PUS7: variants seen among roughly 807,000 people sequenced by gnomAD.
PUS7 encodes pseudouridylate synthase 7 homolog.
In PUS7, 48 loss-of-function variants were observed where a neutral mutation model predicts 79.8. The ratio of observed to expected loss-of-function variants is 0.60; its 90% CI spans 0.48 to 0.76. The LOEUF is 0.76. Among genes scored for constraint, PUS7 ranks in the 30% least tolerant of loss-of-function variants. The probability of loss-of-function intolerance (pLI) is 0.00; values close to 1 mark genes in which losing one functional copy is unlikely to be tolerated. For synonymous variants in PUS7, 286 were observed against 272.2 expected (o/e 1.05, Z -0.50); for missense variants, 729 against 797.6 (o/e 0.91, Z 1.04).
intron 7 of PUS7, among the ~76,000 whole-genome samples, chr7:105,490,949 G>T (rs1171129547): frequency 1.3e-5 from 2 of 152,178 alleles, no homozygotes; most frequent in African/African-American, 4.8e-5. Flanking sequence ...GCAACGCACA[G>T]GACAGTCCCT....
intron 2 of PUS7, among the ~76,000 whole-genome samples, chr7:105,507,061 T>C (rs1204699960): frequency 1.3e-5 from 2 of 152,166 alleles, no homozygotes; most frequent in African/African-American, 4.8e-5. Context: ...TATTATTTTT[T>C]TTGAGACAGA....
At chr7:105,492,139 C>T (rs1409213141) in intron 6 of PUS7, among the ~76,000 whole-genome samples, 6 of 151,712 alleles carry the variant, frequency 4.0e-5, no homozygotes. Flanking sequence ...TGGTGGCATG[C>T]ACCTACAGTC....
chr7:105,505,246 G>A (rs558184799), intron 4 of PUS7, among the ~76,000 whole-genome samples: 14 of 152,050 alleles, frequency 9.2e-5, no homozygotes, highest in Admixed American at 5.2e-4. Context: ...CAAGTGATCC[G>A]CCCACCTTGG....
intron 5 of PUS7, among the ~76,000 whole-genome samples, chr7:105,498,673 C>G (rs549929147): frequency 3.3e-5 from 5 of 152,182 alleles, no homozygotes; most frequent in Non-Finnish European, 5.9e-5. Flanking sequence ...ACCATCACAC[C>G]CCTGCACACC....
At chr7:105,474,120 C>G (rs1046426399) in intron 9 of PUS7, among the ~76,000 whole-genome samples, 10 of 152,106 alleles carry the variant, frequency 6.6e-5, no homozygotes, top group African/African-American at 2.4e-4. Context: ...TAGGAATCCC[C>G]TTCTATTAAT....
intron 5 of PUS7, among the ~76,000 whole-genome samples, chr7:105,496,196 CATAT>C (rs1159713098): frequency 0.05 from 4,034 of 81,230 alleles, 97 homozygotes; most frequent in African/African-American, 0.097. Flanking sequence ...CACACACACA[CATAT>C]ATATATATAT....
At chr7:105,509,080 A>G (rs1825598210) in intron 1 of PUS7, among the ~76,000 whole-genome samples, 2 of 146,074 alleles carry the variant, frequency 1.4e-5, no homozygotes, top group African/African-American at 5.0e-5. Context: ...GCTAGTCAGG[A>G]GGCTGAGGCA....
intron 5 of PUS7, among the ~76,000 whole-genome samples, chr7:105,496,301 TG>T (rs569678239): frequency 9.2e-4 from 138 of 149,984 alleles, no homozygotes; most frequent in African/African-American, 3.2e-3. Flanking sequence ...CTGCTCAAAA[TG>T]TTTTTTTTTA....
intron 4 of PUS7, among the ~76,000 whole-genome samples, chr7:105,505,620 C>G (rs1825423980): frequency 6.6e-6 from 1 of 152,150 alleles, no homozygotes; most frequent in Non-Finnish European, 1.5e-5. Flanking sequence ...GATGATGTCT[C>G]ACTATGTTGT....
chr7:105,520,035 C>T (rs1329225295), intron 1 of PUS7, among the ~76,000 whole-genome samples: 1 of 152,208 alleles, frequency 6.6e-6, no homozygotes, highest in African/African-American at 2.4e-5. Flanking sequence ...TCAAAAGACA[C>T]GTTCAAGGCC....
At chr7:105,521,067 A>C (rs1362018913) in intron 1 of PUS7, among the ~76,000 whole-genome samples, 2 of 152,168 alleles carry the variant, frequency 1.3e-5, no homozygotes, top group Non-Finnish European at 2.9e-5. Context: ...GGAGTTGTTA[A>C]GTACGTACTG....
Position 105,465,337 on chromosome 7 carries a change from C to A in PUS7, c.1603G>T (p.Asp535Tyr). ...CTTTTATGCTTTGGGTAGATAACATCGAAACCAGGCAAGGGCATTACCACA... is the reference window on the plus strand; with the variant it reads ...CTTTTATGCTTTGGGTAGATAACATAGAAACCAGGCAAGGGCATTACCACA... ...HDVVMPLPGF[D>Y]VIYPKHKIQE... Residue 535 changes from aspartate to tyrosine, a missense_variant, in exon 13 of 16, where the codon GAT (aspartate) becomes TAT (tyrosine). Transcript: ENST00000469408. 6.2e-7 allele frequency: 1 copy of A among 1,612,460 alleles called. No individual in the cohort carries two copies. The highest frequency in any genetic ancestry group is 2.2e-5 in the East Asian group (1 of 44,836).
At position 105,462,897 on chromosome 7, in the gene PUS7, C is replaced by T. The variant is rs1392489228; in HGVS notation, c.1628-147G>A. ...TAATTTATAATCCAAAATCTGTTCC[C>T]TGGAATCAAAATTTAGTGACTTAGT... On this transcript the variant is annotated intron_variant, in intron 13 of 15. Transcript: ENST00000469408. The T allele has an allele frequency of 2.1e-5, 17 of 798,398 alleles. No individual in the cohort carries two copies. The East Asian group carries it at 4.6e-4, about 22-fold the overall frequency. The allele number at this position is 798,398 out of a possible 1,614,324, so 49.5% of individuals were successfully genotyped here.
intron 12 of PUS7, among the ~76,000 whole-genome samples, 200 bp from the exon 13 acceptor site, chr7:105,465,614 C>G (rs565832293): frequency 6.6e-6 from 1 of 152,218 alleles, no homozygotes; most frequent in Admixed American, 6.5e-5. Context: ...GGGTGGATCA[C>G]CCAAGGTTGG....
chr7:105,460,755 G>A (rs1160556327), intron 14 of PUS7, among the ~76,000 whole-genome samples: 1 of 150,046 alleles, frequency 6.7e-6, no homozygotes, highest in African/African-American at 2.5e-5. Flanking sequence ...TCGGGAGGCT[G>A]AGGCAGGAGA....
At chr7:105,518,552 C>A (rs909185667) in intron 1 of PUS7, among the ~76,000 whole-genome samples, 4 of 151,862 alleles carry the variant, frequency 2.6e-5, no homozygotes, top group Non-Finnish European at 4.4e-5. Context: ...CAGGCATGTG[C>A]CACCATGCCC....
At chr7:105,510,275 G>A (rs1825651373) in intron 1 of PUS7, among the ~76,000 whole-genome samples, 2 of 151,744 alleles carry the variant, frequency 1.3e-5, no homozygotes, top group African/African-American at 2.4e-5. Flanking sequence ...ACTCCAGCCT[G>A]GGCAACAAGA....
Position 105,495,203 on chromosome 7 carries a change from C to G in PUS7, c.781G>C (p.Val261Leu). 1.2e-6 allele frequency: 2 copies of G among 1,612,732 alleles called. No individual in the cohort carries two copies. Among genetic ancestry groups the G allele is most frequent in the Middle Eastern group, 1.7e-4 (1 of 6,016 alleles). ...PKSRGSYCHF[V>L]LYKENKDTMD... ...GTGTCTTTGTTTTCCTTATATAGTA[C>G]GAAGTGGCAGTAACTTCCCCTAGAT... Residue 261 changes from valine to leucine, a missense_variant, in exon 6 of 16, where the codon GTA (valine) becomes CTA (leucine). Val to Leu is a conservative substitution (Grantham distance 32). Transcript: ENST00000469408.
At chr7:105,479,314 C>T (rs970658826) in intron 9 of PUS7, among the ~76,000 whole-genome samples, 2 of 152,138 alleles carry the variant, frequency 1.3e-5, no homozygotes, top group African/African-American at 2.4e-5. Flanking sequence ...AAAATGAATG[C>T]AACTTCATAG....
Sources: gnomAD v4.1 joint callset for allele counts (sites outside exome capture counted in the v4.1 genomes callset) on GRCh38, gnomAD v4.1.1 for gene constraint, MANE v1.5 for transcripts, NCBI Gene and HGNC (gene_info 2026-07-23, HGNC 2026-07-21) for gene names.